Variants in ATP13A4 observed in about 807,000 individuals in gnomAD.
ATP13A4 encodes ATPase 13A4.
A neutral mutation model predicts 142.5 loss-of-function variants in ATP13A4; 114 were observed. That is an observed-to-expected ratio of 0.80 (90% confidence interval 0.69 to 0.93). ATP13A4 has a LOEUF of 0.93. Among genes scored for constraint, ATP13A4 ranks in the 40% least tolerant of loss-of-function variants. The probability of loss-of-function intolerance (pLI) is 0.00; values close to 1 mark genes in which losing one functional copy is unlikely to be tolerated. For missense variants in ATP13A4, 1,392 were observed against 1,454.0 expected, an observed-to-expected ratio of 0.96 and a Z score of 0.69; for synonymous variants, 488 against 514.8, an observed-to-expected ratio of 0.95 and a Z score of 0.70.
At chr3:193,428,797 G>T (rs1317199816) in intron 25 of ATP13A4, among the ~76,000 whole-genome samples, 2 of 115,214 alleles carry the variant, frequency 1.7e-5, no homozygotes, top group Admixed American at 1.1e-4. Context: ...GTCGTGGGGT[G>T]GGGGGAGGGG....
At chr3:193,508,124 GC>G (rs1720953226) in intron 2 of ATP13A4, among the ~76,000 whole-genome samples, 1 of 152,194 alleles carries the variant, frequency 6.6e-6, no homozygotes, top group South Asian at 2.1e-4. Flanking sequence ...TGAGAAGACA[GC>G]CTTCTTCAAG....
intron 2 of ATP13A4, among the ~76,000 whole-genome samples, chr3:193,562,038 G>T (rs1251601350): frequency 2.6e-5 from 4 of 152,144 alleles, no homozygotes; most frequent in Non-Finnish European, 5.9e-5. Flanking sequence ...TGCAAGCTTT[G>T]TTGGTTGCTC....
intron 1 of ATP13A4, among the ~76,000 whole-genome samples, chr3:193,534,751 T>C (rs1288693876): frequency 6.6e-6 from 1 of 152,058 alleles, no homozygotes; most frequent in Admixed American, 6.5e-5. Flanking sequence ...AGAGATCTGA[T>C]TACTATGTCA....
intron 1 of ATP13A4, among the ~76,000 whole-genome samples, chr3:193,549,550 C>A (rs192729496): frequency 1.1e-4 from 17 of 152,030 alleles, no homozygotes; most frequent in Admixed American, 2.0e-4. Flanking sequence ...TACATATTGG[C>A]CAGGTGTGGA....
intron 25 of ATP13A4, among the ~76,000 whole-genome samples, chr3:193,416,426 G>A (rs984031209): frequency 1.1e-4 from 16 of 152,048 alleles, no homozygotes; most frequent in African/African-American, 3.6e-4. Context: ...GAAACCACGG[G>A]CAAAGAACTA....
At position 193,442,573 on chromosome 3, in the gene ATP13A4, G is replaced by A. The variant is rs1327474887; in HGVS notation, c.2153-17C>T. 12 of 1,610,078 alleles carry A rather than the reference G, an allele frequency of 7.5e-6. No homozygotes were observed. Among genetic ancestry groups the A allele is most frequent in the African/African-American group, 1.3e-5 (1 of 74,852 alleles). ...GATTGTCACCTAGAGGAAAGGAGGA[G>A]TATCTCAAGATGAGGTTGACAAGAT... On this transcript the variant is annotated splice_polypyrimidine_tract_variant and intron_variant, in intron 18 of 29. Coordinates refer to ENST00000342695, the MANE Select transcript of ATP13A4 (RefSeq NM_032279.4).
intron 3 of ATP13A4, among the ~76,000 whole-genome samples, chr3:193,495,762 T>C (rs927388645): frequency 3.3e-5 from 5 of 152,080 alleles, no homozygotes; most frequent in African/African-American, 9.7e-5. Flanking sequence ...GTAAAAGGCA[T>C]CAAAATTGGA....
At chr3:193,489,639 T>C in intron 7 of ATP13A4, 91 bp downstream of exon 7, 2 of 1,383,058 alleles carry the variant, frequency 1.4e-6, no homozygotes, top group East Asian at 2.3e-5. Context: ...GAGTAGGAAG[T>C]GACTATTTCC....
At chr3:193,465,165 T>C in intron 11 of ATP13A4, 37 bp from the exon 12 acceptor site, 1 of 1,600,964 alleles carries the variant, frequency 6.2e-7, no homozygotes, top group South Asian at 1.1e-5. Flanking sequence ...TACAGACAAA[T>C]CTCTGATGAA....
chr3:193,487,845 C>G (rs1719719016), intron 7 of ATP13A4, among the ~76,000 whole-genome samples: 1 of 152,120 alleles, frequency 6.6e-6, no homozygotes, highest in Non-Finnish European at 1.5e-5. Flanking sequence ...GCAGCATTGT[C>G]TTAGTAGCAA....
intron 8 of ATP13A4, among the ~76,000 whole-genome samples, chr3:193,471,899 G>T (rs945508527): frequency 6.6e-6 from 1 of 152,124 alleles, no homozygotes. Flanking sequence ...GGCTGCTCTG[G>T]GGTATTGGAT....
At chr3:193,420,538 A>G (rs1030492691) in intron 25 of ATP13A4, among the ~76,000 whole-genome samples, 1 of 149,932 alleles carries the variant, frequency 6.7e-6, no homozygotes, top group African/African-American at 2.5e-5. Context: ...GAAAGTTATG[A>G]ATTTCCTGAA....
intron 1 of ATP13A4, among the ~76,000 whole-genome samples, chr3:193,588,282 T>C (rs1724703338): frequency 6.6e-6 from 1 of 152,162 alleles, no homozygotes; most frequent in African/African-American, 2.4e-5. Context: ...GCAAGCCCCA[T>C]CTCCCTGTGG....
At chr3:193,417,148 G>A (rs1426680303) in intron 25 of ATP13A4, 2 of 152,132 alleles carry the variant, frequency 1.3e-5, no homozygotes, top group East Asian at 3.9e-4. Context: ...AAAATCGAGG[G>A]AGAAATTAAG....
intron 25 of ATP13A4, among the ~76,000 whole-genome samples, chr3:193,425,664 T>G (rs1715621753): frequency 6.6e-6 from 1 of 151,646 alleles, no homozygotes; most frequent in Non-Finnish European, 1.5e-5. Flanking sequence ...AAAGTTGATC[T>G]CATAGAAGTA....
upstream of ATP13A4, among the ~76,000 whole-genome samples, chr3:193,555,476 T>C (rs1470220441): frequency 6.6e-6 from 1 of 152,224 alleles, no homozygotes; most frequent in African/African-American, 2.4e-5. Flanking sequence ...TTGAAACACA[T>C]GTAGAAAAAG....
At chr3:193,521,227 T>C (rs140764881) in intron 1 of ATP13A4, among the ~76,000 whole-genome samples, 1 of 152,250 alleles carries the variant, frequency 6.6e-6, no homozygotes, top group East Asian at 1.9e-4. Flanking sequence ...AAAATAACTA[T>C]AATTCAGGGC....
rs1714232307 is a variant in ATP13A4, at chr3:193,400,703, C to G, written c.*1949G>C. 1.5e-5 allele frequency among the ~76,000 whole-genome samples: 1 copy of G among 64,878 alleles called. No homozygotes were observed. Among genetic ancestry groups the G allele is most frequent in the Non-Finnish European group, 3.2e-5 (1 of 31,712 alleles). 42.6% of individuals were successfully genotyped at this position (64,878 alleles called of 152,430 possible). A position where few individuals can be genotyped will look rare whatever the true frequency, so the allele number is the denominator to read the frequency against. ...TGGAGATGATAAGCCCTTCCTTGTTCAGTCATGGGACAATTGGTACCATTC... is the reference window on the plus strand; with the variant it reads ...TGGAGATGATAAGCCCTTCCTTGTTGAGTCATGGGACAATTGGTACCATTC... On this transcript the variant is annotated 3_prime_UTR_variant, in exon 30 of 30. Transcript: ENST00000342695.
At chr3:193,527,707 G>T (rs940400453) in intron 1 of ATP13A4, among the ~76,000 whole-genome samples, 2 of 151,552 alleles carry the variant, frequency 1.3e-5, no homozygotes, top group African/African-American at 4.9e-5. Flanking sequence ...CATCATGATT[G>T]TAAGTTTCCC....
Sources: allele counts gnomAD v4.1 joint callset (sites outside exome capture counted in the v4.1 genomes callset), GRCh38; gene constraint gnomAD v4.1.1; transcripts MANE v1.5; gene names NCBI Gene and HGNC (gene_info 2026-07-23, HGNC 2026-07-21).